Variants in SYNPO2 observed in about 807,000 individuals in gnomAD.
The protein encoded by SYNPO2 is synaptopodin-2.
A neutral mutation model predicts 85.0 loss-of-function variants in SYNPO2; 56 were observed. That is an observed-to-expected ratio of 0.66 (90% CI 0.53 to 0.82). The LOEUF (loss-of-function observed/expected upper bound fraction) is 0.82. SYNPO2 is among the 40% of genes least tolerant of loss of function. SYNPO2 has a pLI of 0.00. For missense variants in SYNPO2, 1,575 were observed against 1,534.2 expected (o/e 1.03, Z -0.44); for synonymous variants, 602 against 591.1 (o/e 1.02, Z -0.27).
At position 119,034,917 on chromosome 4, in the gene SYNPO2, G is replaced by A. The variant is rs1229198266; in HGVS notation, c.3252+2890G>A. 3 of 985,362 alleles carry A rather than the reference G, an allele frequency of 3.0e-6. No homozygotes were observed. In the African/African-American group the frequency reaches 5.2e-5, roughly 17 times the overall value. The allele number at this position is 985,362 out of a possible 1,614,324, so 61.0% of individuals were successfully genotyped here. On this transcript the variant is annotated intron_variant, in intron 4 of 4. Coordinates refer to ENST00000307142, the MANE Select transcript of SYNPO2 (RefSeq NM_133477.3). Reference sequence around the variant, plus strand: ...AGCTGTGTTGGTATTAGCTTGATTGGTTGGTCCGCTGGTTATGAGGTGTAG... The same window carrying A: ...AGCTGTGTTGGTATTAGCTTGATTGATTGGTCCGCTGGTTATGAGGTGTAG...
chr4:118,981,323 C>T (rs1735999986), intron 1 of SYNPO2, among the ~76,000 whole-genome samples: 1 of 152,180 alleles, frequency 6.6e-6, no homozygotes, highest in Non-Finnish European at 1.5e-5. Flanking sequence ...CAGCAGAATT[C>T]CTAAGCCTGC....
chr4:118,957,448 A>G (rs1318116137), intron 1 of SYNPO2, among the ~76,000 whole-genome samples: 1 of 151,982 alleles, frequency 6.6e-6, no homozygotes, highest in Admixed American at 6.6e-5. Context: ...CTCCCTCTCC[A>G]TTTACCAGAA....
At chr4:118,852,713 A>G (rs922561822) in intron 1 of SYNPO2, among the ~76,000 whole-genome samples, 1 of 152,134 alleles carries the variant, frequency 6.6e-6, no homozygotes, top group Non-Finnish European at 1.5e-5. Flanking sequence ...ACTGGGGCCT[A>G]TTGGAGGCTG....
intron 4 of SYNPO2, among the ~76,000 whole-genome samples, chr4:119,046,513 C>T (rs752150802): frequency 6.6e-6 from 1 of 152,202 alleles, no homozygotes; most frequent in Non-Finnish European, 1.5e-5. Context: ...TATTTTTGTC[C>T]TGGGTCAGCA....
At chr4:119,039,801 GAAGAC>G (rs1738650153) in intron 4 of SYNPO2, among the ~76,000 whole-genome samples, 1 of 151,970 alleles carries the variant, frequency 6.6e-6, no homozygotes, top group Non-Finnish European at 1.5e-5. Context: ...AAATTAAAAA[GAAGAC>G]AAGACTTTTT....
At chr4:119,003,634 C>A (rs928298312) in intron 1 of SYNPO2, among the ~76,000 whole-genome samples, 6 of 152,250 alleles carry the variant, frequency 3.9e-5, no homozygotes, top group African/African-American at 1.4e-4. Context: ...TTAGTAATAA[C>A]ATTTTTTGAC....
intron 1 of SYNPO2, among the ~76,000 whole-genome samples, chr4:119,010,279 A>G (rs956097346): frequency 3.3e-5 from 5 of 152,170 alleles, no homozygotes; most frequent in Admixed American, 6.5e-5. Context: ...CGAGACTGGG[A>G]ATAAAAAGAG....
At chr4:118,934,950 A>G (rs1036621903) in intron 1 of SYNPO2, among the ~76,000 whole-genome samples, 2 of 152,204 alleles carry the variant, frequency 1.3e-5, no homozygotes, top group African/African-American at 4.8e-5. Flanking sequence ...AGTAAATTCA[A>G]TCCTTCCACA....
intron 1 of SYNPO2, among the ~76,000 whole-genome samples, chr4:118,882,839 G>C (rs879759163): frequency 6.6e-6 from 1 of 151,230 alleles, no homozygotes; most frequent in Non-Finnish European, 1.5e-5. Flanking sequence ...GTGCGATCTC[G>C]GCTCACTGCA....
chr4:118,961,972 C>G (rs1399132691), intron 1 of SYNPO2, among the ~76,000 whole-genome samples: 1 of 152,124 alleles, frequency 6.6e-6, no homozygotes, highest in Non-Finnish European at 1.5e-5. Flanking sequence ...GATGTTCAGC[C>G]CATCTTGTTG....
At chr4:118,999,209 C>A (rs764699961) in intron 1 of SYNPO2, among the ~76,000 whole-genome samples, 3 of 152,270 alleles carry the variant, frequency 2.0e-5, no homozygotes, top group Non-Finnish European at 4.4e-5. Context: ...AGTGCAGTGG[C>A]ACCACCATGG....
At chr4:118,923,373 A>G (rs1733602423) in intron 1 of SYNPO2, among the ~76,000 whole-genome samples, 1 of 152,006 alleles carries the variant, frequency 6.6e-6, no homozygotes. Context: ...GAAGGAAACA[A>G]CAGACACCAG....
intron 1 of SYNPO2, among the ~76,000 whole-genome samples, chr4:118,979,690 T>A (rs1299875864): frequency 6.6e-6 from 1 of 152,238 alleles, no homozygotes; most frequent in Non-Finnish European, 1.5e-5. Context: ...AATGACAGGG[T>A]AGCAACAGAG....
rs897374701 is a variant in SYNPO2 at position 118,873,492 on chromosome 4, A to T, written c.12+22552A>T. ...TTTCATATGCCTAGTGGCTATTTGT[A>T]TGTCTTCTTTTGAAAAATGTCTATT... On this transcript the variant is annotated intron_variant, in intron 1 of 4. Coordinates refer to the SYNPO2 transcript ENST00000610556. Among the ~76,000 whole-genome samples the T allele has an allele frequency of 4.8e-4, 73 of 152,060 alleles. 1 individual carries two copies. The highest frequency in any genetic ancestry group is 1.8e-3 in the African/African-American group (73 of 41,484).
intron 1 of SYNPO2, among the ~76,000 whole-genome samples, chr4:118,864,821 T>C (rs1368495464): frequency 6.6e-6 from 1 of 152,236 alleles, no homozygotes; most frequent in Admixed American, 6.5e-5. Context: ...CCCTTCATTT[T>C]CAGCCTATGT....
rs1738139839 is a variant in SYNPO2, at chr4:119,029,932, C to T, written c.1157C>T (p.Ala386Val). Residue 386 changes from alanine (A) to valine (V), a missense_variant, in exon 4 of 5, where the codon GCT becomes GTT. This residue lies in a region of SYNPO2 where 1,508 missense variants were observed against 1,446.8 expected (regional missense o/e 1.04). Transcript: ENST00000307142. Reference protein sequence around the residue: ...CKSIALLLTDAPNPNSKGVLM... With the variant: ...CKSIALLLTDVPNPNSKGVLM... ...AGCATTGCCCTTCTTCTAACGGATG[C>T]TCCCAACCCCAACTCCAAGGGGGTG... is the stretch of plus-strand genomic sequence containing the variant. 1.2e-6 allele frequency: 2 copies of T among 1,613,670 alleles called. No homozygotes were observed. Among genetic ancestry groups the T allele is most frequent in the Non-Finnish European group, 1.7e-6 (2 of 1,179,924 alleles).
chr4:118,879,833 CG>C (rs1350793773), intron 1 of SYNPO2, among the ~76,000 whole-genome samples: 1 of 151,984 alleles, frequency 6.6e-6, no homozygotes, highest in African/African-American at 2.4e-5. Flanking sequence ...AGAATGTTGG[CG>C]GGGTTGGCAG....
At position 119,057,629 on chromosome 4, in the gene SYNPO2, G is replaced by T; in HGVS notation, c.3481G>T (p.Val1161Phe). Residue 1161 changes from valine to phenylalanine, a missense_variant, in exon 5 of 5, where the codon GTT becomes TTT. Physicochemically the swap from Val to Phe is conservative, Grantham distance 50 (BLOSUM62 -1). This residue lies in a region of SYNPO2 where 1,508 missense variants were observed against 1,446.8 expected (regional missense o/e 1.04). Coordinates refer to ENST00000307142, the MANE Select transcript of SYNPO2 (RefSeq NM_133477.3). ...NIQESIVANV[V>F]SAARRKVLPG... is the part of the protein sequence containing the mutation. Reference sequence around the variant, plus strand: ...CCAGGAATCCATTGTGGCAAATGTGGTTTCAGCAGCTCGGAGGAAGGTGCT... The same window carrying T: ...CCAGGAATCCATTGTGGCAAATGTGTTTTCAGCAGCTCGGAGGAAGGTGCT... 1 of 1,614,156 alleles carries T rather than the reference G, an allele frequency of 6.2e-7. No homozygotes were observed. The highest frequency in any genetic ancestry group is 8.5e-7 in the Non-Finnish European group (1 of 1,180,018).
intron 1 of SYNPO2, among the ~76,000 whole-genome samples, chr4:118,922,681 CTT>C (rs145113080): frequency 2.8e-5 from 4 of 142,606 alleles, no homozygotes; most frequent in Admixed American, 1.4e-4. Flanking sequence ...AGGTAACAGC[CTT>C]TTTTTTTTTT....
Sources: gnomAD v4.1 joint callset for allele counts (sites outside exome capture counted in the v4.1 genomes callset) on GRCh38, gnomAD v4.1.1 for gene constraint, gnomAD v4.1.1 regional missense constraint, MANE v1.5 for transcripts, NCBI Gene and HGNC (gene_info 2026-07-23, HGNC 2026-07-21) for gene names.